OSBPL3: variants seen among roughly 807,000 people sequenced by gnomAD.
OSBPL3 encodes the protein oxysterol-binding protein-related protein 3.
A neutral mutation model predicts 120.1 loss-of-function variants in OSBPL3; 65 were observed. That is an observed-to-expected ratio of 0.54 (90% CI 0.44 to 0.67). The LOEUF is 0.67. OSBPL3 is among the 30% of genes least tolerant of loss of function. The pLI, the probability that OSBPL3 is intolerant of heterozygous loss-of-function variation, is 0.00. For missense variants in OSBPL3, 1,004 were observed against 1,082.1 expected (o/e 0.93, Z 1.01); for synonymous variants, 416 against 402.6 (o/e 1.03, Z -0.40).
intron 1 of OSBPL3, among the ~76,000 whole-genome samples, chr7:24,915,930 A>G (rs1198638252): frequency 6.6e-5 from 10 of 152,198 alleles, no homozygotes; most frequent in Admixed American, 6.5e-5. Flanking sequence ...TTAACAGTAC[A>G]TTGATTAGGA....
chr7:24,942,871 A>C (rs1813261626), intron 1 of OSBPL3, among the ~76,000 whole-genome samples: 2 of 152,336 alleles, frequency 1.3e-5, no homozygotes, highest in Admixed American at 1.3e-4. Context: ...AATGAAGTCC[A>C]CAAAAAGCCC....
rs1488839918 is a variant in OSBPL3 at position 24,831,180 on chromosome 7, A to G, written c.1747-275T>C. ...AAAGACGATGACATTTCTAAACTGG[A>G]CTACACTGTTTCTGGAAACTGTTAA... On this transcript the variant is annotated intron_variant, in intron 15 of 22. Transcript: ENST00000313367. The surrounding 1 kb of genome is among the most constrained non-coding windows in gnomAD (Gnocchi z 4.0). Among the ~76,000 whole-genome samples, 2 of 152,186 alleles carry G rather than the reference A, an allele frequency of 1.3e-5. No homozygotes were observed. The highest frequency in any genetic ancestry group is 3.9e-4 in the East Asian group (2 of 5,194).
Position 24,899,982 on chromosome 7 carries a change from T to G in OSBPL3, c.-149-7361A>C, listed in dbSNP as rs1329965676. On this transcript the variant is annotated intron_variant, in intron 1 of 22. Transcript: ENST00000313367. This position sits in a 1 kb window ranked among gnomAD's most constrained non-coding sequence, Gnocchi z 4.0. ...TAGCTTTCAACCTTTCTTATTTGAC[T>G]CCAAGCCAATCCTTCTATTTGTGTA... Among the ~76,000 whole-genome samples the G allele has an allele frequency of 6.6e-6, 1 of 152,202 alleles. No individual in the cohort carries two copies. The highest frequency in any genetic ancestry group is 1.5e-5 in the Non-Finnish European group (1 of 68,022).
At chr7:24,908,179 T>C (rs1262312024) in intron 1 of OSBPL3, among the ~76,000 whole-genome samples, 1 of 152,214 alleles carries the variant, frequency 6.6e-6, no homozygotes, top group Non-Finnish European at 1.5e-5. Context: ...GGGATTTCAT[T>C]TCCTGGTTCC....
intron 19 of OSBPL3, among the ~76,000 whole-genome samples, chr7:24,812,139 T>C (rs1562760565): frequency 6.6e-6 from 1 of 151,790 alleles, no homozygotes; most frequent in Non-Finnish European, 1.5e-5. Flanking sequence ...AAACCCCATC[T>C]CTACTAAAAA....
At chr7:24,890,224 G>T (rs1805144952) in intron 2 of OSBPL3, among the ~76,000 whole-genome samples, 1 of 152,164 alleles carries the variant, frequency 6.6e-6, no homozygotes, top group African/African-American at 2.4e-5. Context: ...GTTGGTATTT[G>T]TACAGATTAT....
intron 17 of OSBPL3, 39 bp from the exon 18 acceptor site, chr7:24,816,727 A>G (rs759915009): frequency 3.0e-6 from 4 of 1,312,216 alleles, no homozygotes; most frequent in Non-Finnish European, 4.4e-6. Flanking sequence ...TTAGCAGGAG[A>G]GGTAGGTAGA....
chr7:24,858,888 T>C (rs1184075974), intron 10 of OSBPL3, among the ~76,000 whole-genome samples: 2 of 152,244 alleles, frequency 1.3e-5, no homozygotes, highest in Non-Finnish European at 2.9e-5. Flanking sequence ...GGAGGCATTA[T>C]CTTCTCATTG....
rs373427599 is a variant in OSBPL3, at chr7:24,849,028, C to T, written c.1266+41G>A. The T allele has an allele frequency of 2.2e-5, 30 of 1,389,704 alleles. No individual in the cohort carries two copies. Among genetic ancestry groups the T allele is most frequent in the African/African-American group, 9.9e-5 (7 of 70,452 alleles). The allele number at this position is 1,389,704 out of a possible 1,614,324, so 86.1% of individuals were successfully genotyped here. A position where few individuals can be genotyped will look rare whatever the true frequency, so the allele number is the denominator to read the frequency against. Reference sequence around the variant, plus strand: ...GGACAGATGGTATCACGGGAGCGGGCGGCAGCTGGGGAGACATTACCAGAC... The same window carrying T: ...GGACAGATGGTATCACGGGAGCGGGTGGCAGCTGGGGAGACATTACCAGAC... On this transcript the variant is annotated intron_variant, in intron 12 of 22. Transcript: ENST00000313367. This position sits in a 1 kb window ranked among gnomAD's most constrained non-coding sequence, Gnocchi z 5.4.
chr7:24,892,435 T>A lies in OSBPL3; in HGVS notation c.38A>T (p.Lys13Ile). The A allele has an allele frequency of 6.2e-7, 1 of 1,613,828 alleles. No individual in the cohort carries two copies. The highest frequency in any genetic ancestry group is 2.2e-5 in the East Asian group (1 of 44,882). Reference protein sequence around the residue: ...SDEKNLGVSQKLVSPSRSTSS... With the variant: ...SDEKNLGVSQILVSPSRSTSS... Reference sequence around the variant, plus strand: ...TGTGCTCCTTGAAGGTGATACCAATTTTTGGGACACACCAAGGTTCTTCTC... The same window carrying A: ...TGTGCTCCTTGAAGGTGATACCAATATTTGGGACACACCAAGGTTCTTCTC... Residue 13 changes from lysine to isoleucine, a missense_variant, in exon 2 of 23, where the codon AAA (lysine) becomes ATA (isoleucine). By Grantham distance (102) the Lys-to-Ile change is moderately radical (BLOSUM62 -3). This residue lies in a region of OSBPL3 where 255 missense variants were observed against 248.7 expected (regional missense o/e 1.03). Transcript: ENST00000313367.
intron 16 of OSBPL3, among the ~76,000 whole-genome samples, chr7:24,825,869 T>C (rs1795645215): frequency 6.6e-6 from 1 of 152,194 alleles, no homozygotes; most frequent in African/African-American, 2.4e-5. Context: ...TTAGTAACTT[T>C]TAATAACTGC....
chr7:24,823,701 G>C (rs923814502), intron 16 of OSBPL3, among the ~76,000 whole-genome samples: 2 of 152,194 alleles, frequency 1.3e-5, no homozygotes, highest in African/African-American at 4.8e-5. Context: ...GCTTCAAAAT[G>C]CTCTGATTCT....
rs1795468183 is a variant in OSBPL3, at chr7:24,824,485, G to C, written c.1885-4247C>G. 6.6e-6 allele frequency among the ~76,000 whole-genome samples: 1 copy of C among 152,124 alleles called. No homozygotes were observed. On this transcript the variant is annotated intron_variant, in intron 16 of 22. Coordinates refer to ENST00000313367, the MANE Select transcript of OSBPL3 (RefSeq NM_015550.4). This position sits in a 1 kb window ranked among gnomAD's most constrained non-coding sequence, Gnocchi z 4.9. ...AACTGCTCCAAGGCATAACTATCCA[G>C]TCCTCCTAGGTCCTGATTTCCCTGC...
intron 1 of OSBPL3, among the ~76,000 whole-genome samples, chr7:24,979,368 T>C (rs1478622027): frequency 6.6e-6 from 1 of 151,748 alleles, no homozygotes; most frequent in Non-Finnish European, 1.5e-5. Context: ...GCCCTGGGCC[T>C]CCAGCCCAGC....
At position 24,818,277 on chromosome 7, in the gene OSBPL3, C is replaced by A. The variant is rs1349020620; in HGVS notation, c.1949-1589G>T. 3.3e-5 allele frequency among the ~76,000 whole-genome samples: 5 copies of A among 151,920 alleles called. No individual in the cohort carries two copies. In the East Asian group the frequency reaches 7.7e-4, roughly 23 times the overall value. On this transcript the variant is annotated intron_variant, in intron 17 of 22. Coordinates refer to ENST00000313367, the MANE Select transcript of OSBPL3 (RefSeq NM_015550.4). The surrounding 1 kb of genome is among the most constrained non-coding windows in gnomAD (Gnocchi z 4.0). ...AATTCACAATTCTGTGAATAAAAAC[C>A]ATTGAATTGTACACTTTACACGGGT...
chr7:24,846,471 A>G (rs920438985), intron 12 of OSBPL3, among the ~76,000 whole-genome samples: 1 of 152,206 alleles, frequency 6.6e-6, no homozygotes, highest in African/African-American at 2.4e-5. Flanking sequence ...ACAGACATTA[A>G]AAGAATTAAG....
In OSBPL3 at chr7:24,862,711, G is replaced by T. The variant is rs981003842; in HGVS notation, c.870+489C>A. Among the ~76,000 whole-genome samples, 2 of 152,158 alleles carry T rather than the reference G, an allele frequency of 1.3e-5. No individual in the cohort carries two copies. The highest frequency in any genetic ancestry group is 4.8e-5 in the African/African-American group (2 of 41,434). On this transcript the variant is annotated intron_variant, in intron 9 of 22. Coordinates refer to ENST00000313367, the MANE Select transcript of OSBPL3 (RefSeq NM_015550.4). This position sits in a 1 kb window ranked among gnomAD's most constrained non-coding sequence, Gnocchi z 4.4. ...TCCTAGCATGACACAGTGAATCCTG[G>T]ATGAGGGATTGGGAGTTTGGAGATA... is the stretch of plus-strand genomic sequence containing the variant.
Position 24,916,982 on chromosome 7 carries a change from G to A in OSBPL3, c.-149-24361C>T, listed in dbSNP as rs1346131329. On this transcript the variant is annotated intron_variant, in intron 1 of 22. Transcript: ENST00000313367. The surrounding 1 kb of genome is among the most constrained non-coding windows in gnomAD (Gnocchi z 4.9). ...CTATTTGATGACTTAGAAGAAGGAAGGAAGGATGGGTATATGGGTAGAGAG... is the reference window on the plus strand; with the variant it reads ...CTATTTGATGACTTAGAAGAAGGAAAGAAGGATGGGTATATGGGTAGAGAG... 1.3e-5 allele frequency among the ~76,000 whole-genome samples: 2 copies of A among 151,872 alleles called. No individual in the cohort carries two copies. The highest frequency in any genetic ancestry group is 2.9e-5 in the Non-Finnish European group (2 of 67,996).
chr7:24,928,602 C>T (rs894036648), intron 1 of OSBPL3, among the ~76,000 whole-genome samples: 3 of 152,138 alleles, frequency 2.0e-5, no homozygotes, highest in Non-Finnish European at 4.4e-5. Flanking sequence ...AATGTATATG[C>T]CTATGTAACC....
Sources: gnomAD v4.1 joint callset for allele counts (sites outside exome capture counted in the v4.1 genomes callset) on GRCh38, gnomAD v4.1.1 for gene constraint, gnomAD v4.1.1 regional missense constraint, Gnocchi (gnomAD v3.1) non-coding constraint, MANE v1.5 for transcripts, NCBI Gene and HGNC (gene_info 2026-07-23, HGNC 2026-07-21) for gene names.